The following PRKCB variants were observed in gnomAD, a reference collection of about 807,000 sequenced individuals.
The protein encoded by PRKCB is protein kinase C beta type.
A neutral mutation model predicts 81.5 loss-of-function variants in PRKCB; 13 were observed. The ratio of observed to expected loss-of-function variants is 0.16; its 90% CI spans 0.10 to 0.25. PRKCB has a LOEUF of 0.25. Ranked by LOEUF, PRKCB falls within the 10% of genes least tolerant of loss-of-function variation. PRKCB has a pLI of 1.00. For synonymous variants in PRKCB, 335 were observed against 321.4 expected (o/e 1.04, Z -0.45); for missense variants, 509 against 875.7 (o/e 0.58, Z 5.29).
chr16:23,882,021 T>TCTTCATTCCTTCCTTC (rs1963127161), intron 2 of PRKCB, among the ~76,000 whole-genome samples: 4 of 55,592 alleles, frequency 7.2e-5, no homozygotes, highest in African/African-American at 2.4e-4. Flanking sequence ...TTTCTTTCTT[T>TCTTCATTCCTTCCTTC]CTTCCTTCCT....
chr16:24,180,817 C>G lies in PRKCB; in HGVS notation c.1422C>G (p.Leu474=). ...ACCTAAAACTTGACAACGTGATGCT[C>G]GATTCTGAGGGACACATCAAGATTG... ...YRDLKLDNVM[L]DSEGHIKIAD... Residue 474 remains leucine (L), a synonymous_variant, in exon 13 of 17, where the codon CTC becomes CTG. Transcript: ENST00000643927. The G allele has an allele frequency of 3.1e-6, 5 of 1,614,010 alleles. No individual in the cohort carries two copies. Among genetic ancestry groups the G allele is most frequent in the South Asian group, 1.1e-5 (1 of 91,062 alleles).
At chr16:23,982,159 TCCCTTTCCCTTCCCTTTCCCTTTCCCTTC>T (rs1964739704) in intron 2 of PRKCB, among the ~76,000 whole-genome samples, 1 of 37,638 alleles carries the variant, frequency 2.7e-5, no homozygotes, top group Non-Finnish European at 5.2e-5. Context: ...CCCTTCCCCT[TCCCTTTCCCTTCCCTTTCCCTTTCCCTTC>T]CTCTTCCCTT....
chr16:23,883,849 T>C (rs1260975760), intron 2 of PRKCB, among the ~76,000 whole-genome samples: 2 of 152,140 alleles, frequency 1.3e-5, no homozygotes, highest in Non-Finnish European at 2.9e-5. Flanking sequence ...AAATATAACA[T>C]GAGCCATAAA....
intron 2 of PRKCB, among the ~76,000 whole-genome samples, chr16:23,966,440 G>T (rs1596490426): frequency 6.6e-6 from 1 of 152,302 alleles, no homozygotes; most frequent in East Asian, 1.9e-4. Flanking sequence ...GTACAATAAG[G>T]ATAATAATAA....
chr16:24,088,394 G>T (rs1966333963), intron 5 of PRKCB, among the ~76,000 whole-genome samples: 1 of 152,110 alleles, frequency 6.6e-6, no homozygotes, highest in Non-Finnish European at 1.5e-5. Flanking sequence ...ATGCCTCAGT[G>T]AGTAATGTTT....
intron 2 of PRKCB, among the ~76,000 whole-genome samples, chr16:23,928,078 A>G (rs1408514568): frequency 6.6e-6 from 1 of 152,048 alleles, no homozygotes; most frequent in African/African-American, 2.4e-5. Context: ...CTCTTGAAAT[A>G]TATAGAAATG....
chr16:24,124,148 T>A (rs1005918505), intron 9 of PRKCB, among the ~76,000 whole-genome samples, 167 bp downstream of exon 9: 41 of 152,214 alleles, frequency 2.7e-4, no homozygotes, highest in Non-Finnish European at 5.7e-4. Flanking sequence ...AATGGAGTGC[T>A]GTGTCACAAA....
chr16:24,002,228 C>T (rs965766673), intron 3 of PRKCB, among the ~76,000 whole-genome samples: 1 of 152,154 alleles, frequency 6.6e-6, no homozygotes, highest in Non-Finnish European at 1.5e-5. Context: ...CATGCGTCCT[C>T]TTTTCCTCCA....
intron 2 of PRKCB, among the ~76,000 whole-genome samples, chr16:23,939,988 C>T (rs1031052005): frequency 6.6e-6 from 1 of 151,994 alleles, no homozygotes; most frequent in African/African-American, 2.4e-5. Flanking sequence ...ATAAAGAGCC[C>T]TCAAGTTTCA....
intron 8 of PRKCB, among the ~76,000 whole-genome samples, chr16:24,116,346 C>T (rs1966737374): frequency 6.6e-6 from 1 of 151,940 alleles, no homozygotes; most frequent in African/African-American, 2.4e-5. Flanking sequence ...TGCTTGAGCC[C>T]AGGAGTTCGA....
chr16:24,198,328 A>G (rs1967908503), intron 16 of PRKCB, among the ~76,000 whole-genome samples: 1 of 152,186 alleles, frequency 6.6e-6, no homozygotes, highest in African/African-American at 2.4e-5. Flanking sequence ...AAAGGCTCCC[A>G]TAGTGTCCAT....
At chr16:23,864,916 G>A (rs903901406) in intron 2 of PRKCB, among the ~76,000 whole-genome samples, 6 of 151,910 alleles carry the variant, frequency 3.9e-5, no homozygotes, top group African/African-American at 7.3e-5. Flanking sequence ...CCCTAGTGTC[G>A]GTTGTTTCCA....
At chr16:24,165,230 A>G (rs542775599) in intron 10 of PRKCB, among the ~76,000 whole-genome samples, 3 of 152,216 alleles carry the variant, frequency 2.0e-5, no homozygotes, top group East Asian at 3.9e-4. Flanking sequence ...TTGTAGAGCC[A>G]GGGTCTTGCC....
chr16:24,080,493 A>C (rs994613962), intron 5 of PRKCB, among the ~76,000 whole-genome samples: 1 of 152,192 alleles, frequency 6.6e-6, no homozygotes, highest in African/African-American at 2.4e-5. Flanking sequence ...GCATTGAAAG[A>C]CAGGGAGGAG....
intron 10 of PRKCB, among the ~76,000 whole-genome samples, chr16:24,155,866 A>G (rs900719233): frequency 1.3e-5 from 2 of 152,130 alleles, no homozygotes; most frequent in African/African-American, 4.8e-5. Flanking sequence ...GCACCTCAAC[A>G]TGTTTCCTCT....
chr16:23,874,171 C>T (rs150355877), intron 2 of PRKCB, among the ~76,000 whole-genome samples: 20 of 152,262 alleles, frequency 1.3e-4, no homozygotes, highest in African/African-American at 2.9e-4. Flanking sequence ...TCTGTCTTTC[C>T]GTGTCAGAAG....
intron 2 of PRKCB, among the ~76,000 whole-genome samples, chr16:23,851,105 G>A (rs1962464521): frequency 6.6e-6 from 1 of 152,196 alleles, no homozygotes; most frequent in African/African-American, 2.4e-5. Context: ...CTGTGAGGAA[G>A]CTTTCAGTTT....
intron 2 of PRKCB, chr16:23,893,534 C>T (rs993630432): frequency 4.2e-4 from 64 of 152,094 alleles, no homozygotes; most frequent in African/African-American, 1.4e-3. Flanking sequence ...TTCTGACTTA[C>T]GATCAAGGCA....
chr16:24,063,680 A>G (rs1410983546), intron 5 of PRKCB, among the ~76,000 whole-genome samples: 9 of 152,148 alleles, frequency 5.9e-5, no homozygotes, highest in Admixed American at 4.6e-4. Flanking sequence ...ACCCAGTATC[A>G]TGATGATAGA....
Sources: allele counts gnomAD v4.1 joint callset (sites outside exome capture counted in the v4.1 genomes callset), GRCh38; gene constraint gnomAD v4.1.1; transcripts MANE v1.5; gene names NCBI Gene and HGNC (gene_info 2026-07-23, HGNC 2026-07-21).